Variants in NCOA2 observed in about 807,000 individuals in gnomAD.
NCOA2 encodes nuclear receptor coactivator 2, also known as class E basic helix-loop-helix protein 75.
A neutral mutation model predicts 145.1 loss-of-function variants in NCOA2; 21 were observed. The observed-to-expected ratio is 0.14, with a 90% CI of 0.10 to 0.21. The LOEUF is 0.21. Ranked by LOEUF, NCOA2 falls within the 10% of genes least tolerant of loss-of-function variation. The probability of loss-of-function intolerance (pLI) is 1.00; values close to 1 mark genes in which losing one functional copy is unlikely to be tolerated. For missense variants in NCOA2, 1,472 were observed against 1,837.6 expected (o/e 0.80, Z 3.64); for synonymous variants, 619 against 637.5 (o/e 0.97, Z 0.44).
At chr8:70,279,930 T>C in intron 2 of NCOA2, among the ~76,000 whole-genome samples, 1 of 152,222 alleles carries the variant, frequency 6.6e-6, no homozygotes, top group African/African-American at 2.4e-5. Context: ...CCTGAGCCAG[T>C]TGTAGCTTTG....
At chr8:70,327,682 T>A (rs543842274) in intron 1 of NCOA2, among the ~76,000 whole-genome samples, 145 of 152,258 alleles carry the variant, frequency 9.5e-4, no homozygotes, top group African/African-American at 3.4e-3. Flanking sequence ...AAAACCGACC[T>A]GGATTTCCAA....
At chr8:70,249,698 C>T (rs1036520254) in intron 2 of NCOA2, among the ~76,000 whole-genome samples, 3 of 152,056 alleles carry the variant, frequency 2.0e-5, no homozygotes, top group Admixed American at 2.0e-4. Flanking sequence ...TGCAGTGGCT[C>T]ATGTCTGTAA....
rs564250166 is a variant in NCOA2 at position 70,361,597 on chromosome 8, C to T, written c.-77+42103G>A. Among the ~76,000 whole-genome samples, 33 of 152,158 alleles carry T rather than the reference C, an allele frequency of 2.2e-4. 1 individual carries two copies. Among genetic ancestry groups the T allele is most frequent in the Non-Finnish European group, 3.5e-4 (24 of 68,030 alleles). ...TCTTTAATATGCATAAAAATGAGGACATTTTGACATATATTATCTCCTACC... is the reference window on the plus strand; with the variant it reads ...TCTTTAATATGCATAAAAATGAGGATATTTTGACATATATTATCTCCTACC... On this transcript the variant is annotated intron_variant, in intron 1 of 22. Transcript: ENST00000452400.
At chr8:70,411,937 G>T in the NCOA2 span, among the ~76,000 whole-genome samples, 1 of 152,164 alleles carries the variant, frequency 6.6e-6, no homozygotes, top group South Asian at 2.1e-4. Flanking sequence ...AAACATTTGT[G>T]CACAGTTTAT....
At chr8:70,269,792 T>TA (rs1375042129) in intron 2 of NCOA2, among the ~76,000 whole-genome samples, 8 of 152,208 alleles carry the variant, frequency 5.3e-5, no homozygotes, top group Non-Finnish European at 1.5e-5. Flanking sequence ...GAAAAATTCA[T>TA]AGATGTGCCT....
At chr8:70,319,496 G>C (rs956599343) in intron 1 of NCOA2, among the ~76,000 whole-genome samples, 2 of 151,736 alleles carry the variant, frequency 1.3e-5, no homozygotes, top group African/African-American at 2.4e-5. Context: ...GAGCCGTGAT[G>C]ACACCACTGC....
intron 3 of NCOA2, 72 bp downstream of exon 3, chr8:70,216,588 C>T: frequency 7.9e-7 from 1 of 1,259,508 alleles, no homozygotes; most frequent in Non-Finnish European, 1.2e-6. Context: ...AAAATCAATG[C>T]TAAAATAACA....
At chr8:70,441,320 G>A in the NCOA2 span, among the ~76,000 whole-genome samples, 5 of 142,402 alleles carry the variant, frequency 3.5e-5, no homozygotes, top group South Asian at 2.2e-4. Flanking sequence ...AAGAGGAAAG[G>A]AGAGAGAAAG....
rs75921320 is a variant in NCOA2 at position 70,362,379 on chromosome 8, C to A, written c.-77+41321G>T. ...AATAATTGATAAATGAAAAGACAAG[C>A]CAAAAACTGGGAGAAAATAACTCAC... On this transcript the variant is annotated intron_variant, in intron 1 of 22. Coordinates refer to ENST00000452400, the MANE Select transcript of NCOA2 (RefSeq NM_006540.4). 1.0e-3 allele frequency among the ~76,000 whole-genome samples: 152 copies of A among 151,984 alleles called. 2 individuals carry two copies. In the East Asian group the frequency reaches 0.017, roughly 17 times the overall value.
intron 4 of NCOA2, among the ~76,000 whole-genome samples, chr8:70,210,057 A>G (rs974430417): frequency 2.0e-5 from 3 of 152,236 alleles, no homozygotes; most frequent in Non-Finnish European, 2.9e-5. Context: ...ATCCTACTTC[A>G]GTATCAGAAA....
intron 4 of NCOA2, among the ~76,000 whole-genome samples, chr8:70,212,078 T>C (rs1488924941): frequency 4.1e-4 from 12 of 29,386 alleles, no homozygotes; most frequent in Admixed American, 2.5e-3. Context: ...TATATATATA[T>C]ATATATATAT....
chr8:70,263,983 C>A (rs948846256), intron 2 of NCOA2, among the ~76,000 whole-genome samples: 2 of 152,106 alleles, frequency 1.3e-5, no homozygotes, highest in African/African-American at 2.4e-5. Flanking sequence ...GAAGCCAAGG[C>A]GGGCATATCA....
intron 2 of NCOA2, among the ~76,000 whole-genome samples, chr8:70,258,508 C>A (rs1016008664): frequency 6.6e-6 from 1 of 152,130 alleles, no homozygotes; most frequent in Non-Finnish European, 1.5e-5. Context: ...TCTGTATCTG[C>A]TACTTTTCAT....
At chr8:70,330,154 T>C (rs1806957527) in intron 1 of NCOA2, among the ~76,000 whole-genome samples, 1 of 152,018 alleles carries the variant, frequency 6.6e-6, no homozygotes, top group South Asian at 2.1e-4. Flanking sequence ...ATGGGAATAA[T>C]GACTTTGACA....
chr8:70,113,480 G>A lies in NCOA2; in HGVS notation c.*152C>T, dbSNP rs375227603. 6 of 787,128 alleles carry A rather than the reference G, an allele frequency of 7.6e-6. No individual in the cohort carries two copies. The highest frequency in any genetic ancestry group is 2.5e-4 in the Middle Eastern group (1 of 3,988). 48.8% of individuals were successfully genotyped at this position (787,128 alleles called of 1,614,324 possible). ...CTCCTCCTGCCACAGCCGAGTGGAC[G>A]CCACCCTGGGAACCAGGGCCAGGCC... On this transcript the variant is annotated 3_prime_UTR_variant, in exon 23 of 23. Coordinates refer to ENST00000452400, the MANE Select transcript of NCOA2 (RefSeq NM_006540.4).
chr8:70,223,204 A>C (rs1333113479), intron 2 of NCOA2, among the ~76,000 whole-genome samples: 1 of 152,220 alleles, frequency 6.6e-6, no homozygotes, highest in Non-Finnish European at 1.5e-5. Context: ...CAAGGACTAC[A>C]ATGTAGCACT....
At chr8:70,319,226 T>C (rs918059951) in intron 1 of NCOA2, among the ~76,000 whole-genome samples, 8 of 152,110 alleles carry the variant, frequency 5.3e-5, no homozygotes, top group African/African-American at 1.9e-4. Context: ...ATACCTTGGA[T>C]GATGTTTCTG....
At chr8:70,327,712 A>G (rs1043382812) in intron 1 of NCOA2, among the ~76,000 whole-genome samples, 3 of 152,218 alleles carry the variant, frequency 2.0e-5, no homozygotes, top group Non-Finnish European at 4.4e-5. Flanking sequence ...TAATGTTACT[A>G]GAGAAAGCAA....
intron 1 of NCOA2, among the ~76,000 whole-genome samples, chr8:70,310,384 G>T (rs545789122): frequency 1.3e-5 from 2 of 150,064 alleles, no homozygotes; most frequent in African/African-American, 4.9e-5. Context: ...TAGAGTGACC[G>T]AGAGTTTGAG....
Sources: allele counts gnomAD v4.1 joint callset (sites outside exome capture counted in the v4.1 genomes callset), GRCh38; gene constraint gnomAD v4.1.1; transcripts MANE v1.5; gene names NCBI Gene and HGNC (gene_info 2026-07-23, HGNC 2026-07-21).